The following NELL1 variants were observed in gnomAD, a reference collection of about 807,000 sequenced individuals.
The protein encoded by NELL1 is neural EGFL like 1, also known as protein kinase C-binding protein NELL1.
A neutral mutation model predicts 107.4 loss-of-function variants in NELL1; 76 were observed. The ratio of observed to expected loss-of-function variants is 0.71; its 90% confidence interval spans 0.59 to 0.86. The LOEUF (loss-of-function observed/expected upper bound fraction) is 0.86, where lower values mean the gene tolerates loss of function less well. NELL1 is among the 40% of genes least tolerant of loss of function. The pLI, the probability that NELL1 is intolerant of heterozygous loss-of-function variation, is 0.00. For missense variants in NELL1, 1,024 were observed against 1,005.5 expected (o/e 1.02, Z -0.25); for synonymous variants, 353 against 341.2 (o/e 1.03, Z -0.38).
chr11:20,780,598 A>G (rs1001915199), intron 2 of NELL1, among the ~76,000 whole-genome samples: 1 of 152,226 alleles, frequency 6.6e-6, no homozygotes, highest in African/African-American at 2.4e-5. Context: ...GCTTGAAACA[A>G]GACTGTGATA....
intron 15 of NELL1, among the ~76,000 whole-genome samples, chr11:21,432,213 A>T (rs1183056269): frequency 6.6e-6 from 1 of 151,880 alleles, no homozygotes; most frequent in African/African-American, 2.4e-5. Flanking sequence ...ATATTTACTG[A>T]TTGATTTTTT....
At chr11:20,824,227 C>T (rs1857823855) in intron 3 of NELL1, among the ~76,000 whole-genome samples, 1 of 151,236 alleles carries the variant, frequency 6.6e-6, no homozygotes, top group Admixed American at 6.7e-5. Flanking sequence ...TTTGCTTCTC[C>T]TTCTGCCATG....
At position 20,815,240 on chromosome 11, in the gene NELL1, TTTTTAGTAGAGACAGGGTTTTGTAG is replaced by T. The variant is rs1195582632; in HGVS notation, c.335+31426_335+31450del. 4.6e-5 allele frequency among the ~76,000 whole-genome samples: 7 copies of T among 152,240 alleles called. No homozygotes were observed. In the East Asian group the frequency reaches 1.4e-3, roughly 29 times the overall value. On this transcript the variant is annotated intron_variant, in intron 3 of 19. Transcript: ENST00000357134. ...CCACCACACCTGGCTAATTTTTGTA[TTTTTAGTAGAGACAGGGTTTTGTAG>T]TTTTAGTAGAGACAGATTTGATGTT...
intron 9 of NELL1, among the ~76,000 whole-genome samples, chr11:20,929,076 C>T (rs1850561773): frequency 6.6e-6 from 1 of 152,146 alleles, no homozygotes; most frequent in African/African-American, 2.4e-5. Flanking sequence ...CCCTATTTTA[C>T]AGGAAGCTGA....
intron 5 of NELL1, among the ~76,000 whole-genome samples, chr11:20,914,820 G>A (rs1196477552): frequency 1.3e-5 from 2 of 151,968 alleles, no homozygotes; most frequent in Non-Finnish European, 2.9e-5. Flanking sequence ...CATATGACCA[G>A]GTAATCTGGT....
chr11:20,897,758 T>C (rs1849779163), intron 5 of NELL1, among the ~76,000 whole-genome samples: 1 of 152,092 alleles, frequency 6.6e-6, no homozygotes, highest in Admixed American at 6.6e-5. Context: ...GTGGGCAAAG[T>C]ATATGGATAG....
chr11:20,774,358 TTCTC>T (rs567112695), intron 2 of NELL1, among the ~76,000 whole-genome samples: 1 of 149,370 alleles, frequency 6.7e-6, no homozygotes, highest in Non-Finnish European at 1.5e-5. Context: ...TCTCCTTTCT[TTCTC>T]TCTCTTCTTT....
chr11:21,395,834 C>A (rs4536207), intron 15 of NELL1, among the ~76,000 whole-genome samples: 2 of 150,956 alleles, frequency 1.3e-5, no homozygotes, highest in Non-Finnish European at 3.0e-5. Context: ...CTGAAAAAAA[C>A]AACAAAAAAG....
At chr11:21,069,655 T>C (rs1025947554) in intron 12 of NELL1, among the ~76,000 whole-genome samples, 2 of 152,248 alleles carry the variant, frequency 1.3e-5, no homozygotes. Flanking sequence ...TTTAAAATTA[T>C]GTTTAAAATT....
chr11:21,010,188 C>T (rs1262343648), intron 12 of NELL1, among the ~76,000 whole-genome samples: 1 of 152,054 alleles, frequency 6.6e-6, no homozygotes, highest in Non-Finnish European at 1.5e-5. Flanking sequence ...AAACAGCAGT[C>T]TACTGCTCAC....
At chr11:20,906,026 T>A (rs551630590) in intron 5 of NELL1, among the ~76,000 whole-genome samples, 1 of 152,082 alleles carries the variant, frequency 6.6e-6, no homozygotes, top group Non-Finnish European at 1.5e-5. Context: ...AAGAGAATCT[T>A]GAGAGCAGAA....
At chr11:21,002,891 G>A (rs1852254230) in intron 12 of NELL1, among the ~76,000 whole-genome samples, 1 of 152,126 alleles carries the variant, frequency 6.6e-6, no homozygotes, top group South Asian at 2.1e-4. Flanking sequence ...ATCCATGAAT[G>A]CTAAGAATTT....
chr11:21,546,518 G>A (rs1002771237), intron 16 of NELL1, among the ~76,000 whole-genome samples: 1 of 151,938 alleles, frequency 6.6e-6, no homozygotes, highest in Non-Finnish European at 1.5e-5. Context: ...AATCATGGGG[G>A]AGGGTTTTCC....
At chr11:20,696,988 A>G (rs1274513277) in intron 2 of NELL1, among the ~76,000 whole-genome samples, 1 of 152,150 alleles carries the variant, frequency 6.6e-6, no homozygotes, top group African/African-American at 2.4e-5. Context: ...CTAAAACTCA[A>G]TGATTGGTTT....
chr11:21,356,180 A>G (rs1343829914), intron 14 of NELL1, among the ~76,000 whole-genome samples: 2 of 152,136 alleles, frequency 1.3e-5, no homozygotes, highest in Non-Finnish European at 1.5e-5. Flanking sequence ...GAATATAAAC[A>G]TTTATTTATT....
intron 4 of NELL1, among the ~76,000 whole-genome samples, chr11:20,855,597 G>T (rs1189571139): frequency 6.6e-6 from 1 of 152,156 alleles, no homozygotes; most frequent in Non-Finnish European, 1.5e-5. Flanking sequence ...AAAATAGGCT[G>T]CAAGAGAAAA....
chr11:21,487,239 A>G (rs1329381747), intron 15 of NELL1, among the ~76,000 whole-genome samples: 1 of 152,236 alleles, frequency 6.6e-6, no homozygotes, highest in East Asian at 1.9e-4. Flanking sequence ...AGTCACCTAT[A>G]GAGGAACCAC....
intron 16 of NELL1, among the ~76,000 whole-genome samples, chr11:21,546,707 T>C (rs1452999066): frequency 6.6e-6 from 1 of 152,046 alleles, no homozygotes; most frequent in African/African-American, 2.4e-5. Flanking sequence ...ATTAAACCTC[T>C]TTTCTTTGTA....
intron 19 of NELL1, among the ~76,000 whole-genome samples, chr11:21,574,245 T>A (rs12279626): frequency 0.42 from 57,404 of 137,914 alleles, 13,364 homozygotes; most frequent in Non-Finnish European, 0.56. Context: ...TATGCTGTTA[T>A]AAATGTAGAT....
Sources: gnomAD v4.1 joint callset for allele counts (sites outside exome capture counted in the v4.1 genomes callset) on GRCh38, gnomAD v4.1.1 for gene constraint, MANE v1.5 for transcripts, NCBI Gene and HGNC (gene_info 2026-07-23, HGNC 2026-07-21) for gene names.